The following UBA2 variants were observed in gnomAD, a reference collection of about 807,000 sequenced individuals.
The protein encoded by UBA2 is ubiquitin like modifier activating enzyme 2.
UBA2 carries 11 observed loss-of-function variants against 77.2 expected under a neutral mutation model. The observed-to-expected ratio is 0.14, with a 90% CI of 0.09 to 0.24. The LOEUF is 0.24. UBA2 is among the 10% of genes least tolerant of loss of function. The pLI, the probability that UBA2 is intolerant of heterozygous loss-of-function variation, is 1.00. For missense variants in UBA2, 487 were observed against 781.7 expected, an observed-to-expected ratio of 0.62 and a Z score of 4.50; for synonymous variants, 278 against 276.7, an observed-to-expected ratio of 1.00 and a Z score of -0.05.
rs574214652 is a variant in UBA2 at position 34,454,725 on chromosome 19, T to G, written c.1245+169T>G. Among the ~76,000 whole-genome samples, 7 of 152,332 alleles carry G rather than the reference T, an allele frequency of 4.6e-5. No individual in the cohort carries two copies. In the South Asian group the frequency reaches 1.0e-3, roughly 23 times the overall value. ...GTGTGTGTTTAAGCTTCCTGGAAAT[T>G]GCAACAAAAAGGAAAAATTAAGAAG... On this transcript the variant is annotated intron_variant, in intron 12 of 16. Coordinates refer to ENST00000246548, the MANE Select transcript of UBA2 (RefSeq NM_005499.3).
intron 14 of UBA2, among the ~76,000 whole-genome samples, chr19:34,463,104 A>C (rs2075649838): frequency 6.6e-6 from 1 of 152,042 alleles, no homozygotes; most frequent in Admixed American, 6.5e-5. Flanking sequence ...CTCAAAAAAA[A>C]AAAAAAGAAA....
At position 34,451,918 on chromosome 19, in the gene UBA2, A is replaced by C. The variant is rs543469258; in HGVS notation, c.872-63A>C. ...TGGTCGGGGATTGAACTTGTTAAAC[A>C]GAGCACAGTAGAGGAATGATGTTAA... On this transcript the variant is annotated intron_variant, in intron 9 of 16. Transcript: ENST00000246548. 4.5e-6 allele frequency: 4 copies of C among 891,798 alleles called. No individual in the cohort carries two copies. The East Asian group carries it at 1.2e-4, about 26-fold the overall frequency. 55.2% of individuals were successfully genotyped at this position (891,798 alleles called of 1,614,324 possible).
chr19:34,428,925 G>A (rs2075219616), intron 1 of UBA2: 1 of 995,622 alleles, frequency 1.0e-6, no homozygotes. Flanking sequence ...TGAGTCCCTC[G>A]CGGATGTTGT....
rs2075479152 is a variant in UBA2 at position 34,450,362 on chromosome 19, A to C, written c.869A>C (p.Gln290Pro). 2 of 1,595,588 alleles carry C rather than the reference A, an allele frequency of 1.3e-6. No homozygotes were observed. Among genetic ancestry groups the C allele is most frequent in the Admixed American group, 3.7e-5 (2 of 54,126 alleles). Reference sequence around the variant, plus strand: ...TTGGACTGGGCTGAAGTACAAAGTCAAGGTAAAGAATACATTTTAGTCTTG... The same window carrying C: ...TTGGACTGGGCTGAAGTACAAAGTCCAGGTAAAGAATACATTTTAGTCTTG... ...VPLDWAEVQS[Q>P]GEETNASDQQ... The change falls in exon 9 of 17, where the codon CAA becomes CCA. Residue 290 changes from glutamine to proline, a missense_variant and splice_region_variant. Transcript: ENST00000246548.
At chr19:34,441,708 G>A (rs995902190) in intron 6 of UBA2, among the ~76,000 whole-genome samples, 4 of 151,568 alleles carry the variant, frequency 2.6e-5, no homozygotes, top group African/African-American at 9.7e-5. Context: ...ATCACTTGAG[G>A]CCAGGAGTTT....
intron 12 of UBA2, among the ~76,000 whole-genome samples, chr19:34,455,963 G>A (rs2075554040): frequency 6.6e-6 from 1 of 151,218 alleles, no homozygotes; most frequent in East Asian, 1.9e-4. Flanking sequence ...TTTTTAAACT[G>A]ATGGGGTCTT....
At position 34,431,922 on chromosome 19, in the gene UBA2, G is replaced by A; in HGVS notation, c.284G>A (p.Ser95Asn). The A allele has an allele frequency of 6.2e-7, 1 of 1,610,610 alleles. No individual in the cohort carries two copies. The highest frequency in any genetic ancestry group is 1.7e-4 in the Middle Eastern group (1 of 6,038). Reference protein sequence around the residue: ...PKANIVAYHDSIMNPDYNVEF... With the variant: ...PKANIVAYHDNIMNPDYNVEF... The stretch of plus-strand genomic sequence containing the variant: ...GCTAATATCGTTGCCTACCATGACA[G>A]CATCATGAAGTATGCTATAGTGATT... The change falls in exon 3 of 17, where the codon AGC becomes AAC. Residue 95 changes from serine (S) to asparagine (N), a missense_variant. Physicochemically the swap from Ser to Asn is conservative, Grantham distance 46 (BLOSUM62 1). This residue lies in a region of UBA2 where 66 missense variants were observed against 112.0 expected (regional missense o/e 0.59). Coordinates refer to ENST00000246548, the MANE Select transcript of UBA2 (RefSeq NM_005499.3).
intron 13 of UBA2, among the ~76,000 whole-genome samples, chr19:34,459,631 G>C (rs1170063275): frequency 2.0e-5 from 3 of 152,152 alleles, no homozygotes; most frequent in African/African-American, 7.2e-5. Context: ...GGCTAGATTT[G>C]TGTATTAGGG....
intron 8 of UBA2, among the ~76,000 whole-genome samples, chr19:34,445,977 G>A (rs1368208756): frequency 6.6e-6 from 1 of 152,034 alleles, no homozygotes; most frequent in Non-Finnish European, 1.5e-5. Context: ...TTTTTGTTCT[G>A]TCTTGACTCC....
chr19:34,433,853 G>A lies in UBA2; in HGVS notation c.358+441G>A, dbSNP rs143940428. ...TGTGCCTGTAGTCCCAGCTTCTCCGGAGGCTGAGGTGGGAGAATCGCTTGA... is the reference window on the plus strand; with the variant it reads ...TGTGCCTGTAGTCCCAGCTTCTCCGAAGGCTGAGGTGGGAGAATCGCTTGA... On this transcript the variant is annotated intron_variant, in intron 4 of 16. Coordinates refer to ENST00000246548, the MANE Select transcript of UBA2 (RefSeq NM_005499.3). 1.4e-3 allele frequency among the ~76,000 whole-genome samples: 217 copies of A among 152,286 alleles called. 5 individuals are homozygous for A. Among genetic ancestry groups the A allele is most frequent in the African/African-American group, 4.9e-3 (205 of 41,562 alleles).
rs893981540 is a variant in UBA2 at position 34,469,785 on chromosome 19, A to G, written c.*564A>G. 1.3e-5 allele frequency: 2 copies of G among 152,554 alleles called. No individual in the cohort carries two copies. Among genetic ancestry groups the G allele is most frequent in the African/African-American group, 2.4e-5 (1 of 41,438 alleles). The allele number at this position is 152,554 out of a possible 1,614,324, so 9.5% of individuals were successfully genotyped here. On this transcript the variant is annotated 3_prime_UTR_variant, in exon 17 of 17. Coordinates refer to ENST00000246548, the MANE Select transcript of UBA2 (RefSeq NM_005499.3). ...CCTGGTATGTCTGTGTAAGAAGCCA[A>G]TTTTTGTGTATTGTTACAGTTTCAG...
chr19:34,430,459 G>A (rs1393380856), intron 1 of UBA2, 117 bp from the exon 2 acceptor site: 4 of 592,010 alleles, frequency 6.8e-6, no homozygotes, highest in East Asian at 5.7e-5. Context: ...TTCGAAAAAC[G>A]CTTTCTCCAC....
At chr19:34,449,032 ACT>A (rs1407028322) in intron 8 of UBA2, among the ~76,000 whole-genome samples, 1 of 137,508 alleles carries the variant, frequency 7.3e-6, no homozygotes, top group African/African-American at 2.8e-5. Flanking sequence ...TCATAAGGAG[ACT>A]CTTTCCTTAT....
chr19:34,465,238 G>A (rs970583508), intron 15 of UBA2, among the ~76,000 whole-genome samples: 6 of 152,130 alleles, frequency 3.9e-5, no homozygotes, highest in African/African-American at 9.7e-5. Context: ...TGCCACCTGC[G>A]TCCAGTTATT....
intron 6 of UBA2, 112 bp downstream of exon 6, chr19:34,438,878 G>C (rs1426881873): frequency 5.0e-6 from 7 of 1,390,688 alleles, no homozygotes; most frequent in Non-Finnish European, 6.9e-6. Context: ...ATATGGTGAA[G>C]GGATGCTTTA....
rs2075717718 is a variant in UBA2, at chr19:34,469,311, T to C, written c.*90T>C. 1 of 1,239,420 alleles carries C rather than the reference T, an allele frequency of 8.1e-7. No individual in the cohort carries two copies. Among genetic ancestry groups the C allele is most frequent in the African/African-American group, 1.6e-5 (1 of 64,430 alleles). The allele number at this position is 1,239,420 out of a possible 1,614,324, so 76.8% of individuals were successfully genotyped here. A position where few individuals can be genotyped will look rare whatever the true frequency, so the allele number is the denominator to read the frequency against. On this transcript the variant is annotated 3_prime_UTR_variant, in exon 17 of 17. Transcript: ENST00000246548. ...TGTCCTTTGTTCCAAAGGGAAAAAA[T>C]TGACAGCAGTGACTTGAAAATGATT...
chr19:34,444,050 T>G (rs760095824), intron 7 of UBA2, 139 bp downstream of exon 7: 6,362 of 333,548 alleles, frequency 0.019, 25 homozygotes, highest in East Asian at 0.061. Context: ...TTTTGTTTTT[T>G]TTTTTTTTTT....
At chr19:34,462,924 G>C (rs1166821865) in intron 14 of UBA2, among the ~76,000 whole-genome samples, 1 of 152,118 alleles carries the variant, frequency 6.6e-6, no homozygotes, top group African/African-American at 2.4e-5. Context: ...GCAAAACCCT[G>C]TCTCTACTAA....
chr19:34,450,218 T>C (rs748823533), intron 8 of UBA2, 47 bp from the exon 9 acceptor site: 22 of 1,331,824 alleles, frequency 1.7e-5, no homozygotes, highest in Admixed American at 1.3e-4. Context: ...TTGTATCTTA[T>C]CAATTAGGGA....
Sources: allele counts gnomAD v4.1 joint callset (sites outside exome capture counted in the v4.1 genomes callset), GRCh38; gene constraint gnomAD v4.1.1; regional missense constraint gnomAD v4.1.1; transcripts MANE v1.5; gene names NCBI Gene and HGNC (gene_info 2026-07-23, HGNC 2026-07-21).